The following RORB variants were observed in gnomAD, a reference collection of about 807,000 sequenced individuals.
RORB encodes RAR related orphan receptor B.
RORB carries 6 observed loss-of-function variants against 59.1 expected under a neutral mutation model. That is an observed-to-expected ratio of 0.10 (90% confidence interval 0.06 to 0.20). The LOEUF (loss-of-function observed/expected upper bound fraction) is 0.20, where lower values mean the gene tolerates loss of function less well. Ranked by LOEUF, RORB falls within the 10% of genes least tolerant of loss-of-function variation. The probability of loss-of-function intolerance (pLI) is 1.00; values close to 1 mark genes in which losing one functional copy is unlikely to be tolerated. For missense variants in RORB, 320 were observed against 560.5 expected (o/e 0.57, Z 4.33); for synonymous variants, 215 against 204.5 (o/e 1.05, Z -0.44).
At chr9:74,603,324 A>G (rs1433785925) in intron 1 of RORB, among the ~76,000 whole-genome samples, 1 of 152,176 alleles carries the variant, frequency 6.6e-6, no homozygotes. Flanking sequence ...CTCAGTAGCA[A>G]CCACCATCTT....
chr9:74,662,549 C>T lies in RORB; in HGVS notation c.835C>T (p.Arg279Trp), dbSNP rs1824205692. 6.2e-7 allele frequency: 1 copy of T among 1,614,030 alleles called. No homozygotes were observed. ...CCAATACGTGGTGGAGTTTGCAAAG[C>T]GGATAACAGGCTTCATGGAGCTCTG... is the stretch of plus-strand genomic sequence containing the variant. ...AIQYVVEFAKRITGFMELCQN... is the reference protein window; with the variant it reads ...AIQYVVEFAKWITGFMELCQN... Residue 279 changes from arginine to tryptophan, a missense_variant, in exon 6 of 10, where the codon CGG becomes TGG. Around this residue, in one of 4 missense-constraint regions of RORB, gnomAD observed 40 missense variants for 116.9 expected, o/e 0.34. Coordinates refer to ENST00000376896, the MANE Select transcript of RORB (RefSeq NM_006914.4).
chr9:74,555,488 ATT>A (rs1822273679), intron 1 of RORB, among the ~76,000 whole-genome samples: 1 of 152,220 alleles, frequency 6.6e-6, no homozygotes, highest in South Asian at 2.1e-4. Flanking sequence ...GTATGTTTCC[ATT>A]TTAAATTTAT....
At chr9:74,668,994 C>G (rs1175447555) in intron 8 of RORB, among the ~76,000 whole-genome samples, 1 of 152,174 alleles carries the variant, frequency 6.6e-6, no homozygotes, top group Non-Finnish European at 1.5e-5. Flanking sequence ...GACCAAGTAT[C>G]TGTGTGATAT....
intron 1 of RORB, among the ~76,000 whole-genome samples, chr9:74,518,768 A>G (rs1320208425): frequency 6.6e-6 from 1 of 151,954 alleles, no homozygotes; most frequent in Admixed American, 6.6e-5. Context: ...CCAAAATCAA[A>G]CAGATATAAG....
At chr9:74,655,880 G>A (rs946974413) in intron 4 of RORB, among the ~76,000 whole-genome samples, 5 of 152,172 alleles carry the variant, frequency 3.3e-5, no homozygotes, top group African/African-American at 1.2e-4. Flanking sequence ...TTTGCACATG[G>A]CTCACCTCTG....
chr9:74,621,774 T>C (rs1202778599), intron 1 of RORB, among the ~76,000 whole-genome samples: 1 of 152,238 alleles, frequency 6.6e-6, no homozygotes, highest in Non-Finnish European at 1.5e-5. Flanking sequence ...TTTAAGTAGG[T>C]TTATAGTGGC....
chr9:74,669,566 T>G (rs1211199186), intron 8 of RORB, among the ~76,000 whole-genome samples: 2 of 151,108 alleles, frequency 1.3e-5, no homozygotes, highest in African/African-American at 2.4e-5. Flanking sequence ...AATATAGTAA[T>G]AAATACATGA....
intron 1 of RORB, among the ~76,000 whole-genome samples, chr9:74,604,348 G>A (rs1823117000): frequency 1.3e-5 from 2 of 152,162 alleles, no homozygotes; most frequent in African/African-American, 2.4e-5. Context: ...CATACCTAAG[G>A]CAGCTGTGCA....
In RORB at chr9:74,531,679, A is replaced by G. The variant is rs540091897; in HGVS notation, c.7+33696A>G. Among the ~76,000 whole-genome samples the G allele has an allele frequency of 3.9e-5, 6 of 152,132 alleles. No homozygotes were observed. The South Asian group carries it at 1.2e-3, about 32-fold the overall frequency. On this transcript the variant is annotated intron_variant, in intron 1 of 9. Transcript: ENST00000376896. ...TGTTATTTGGCTCCTTTAATATACA[A>G]GAGAAAAAAATAAGCCCTACATTTT...
chr9:74,613,488 C>T (rs1217534740), intron 1 of RORB, among the ~76,000 whole-genome samples: 1 of 152,174 alleles, frequency 6.6e-6, no homozygotes, highest in Non-Finnish European at 1.5e-5. Context: ...ATTCTGAGGA[C>T]CATTCCAAGG....
At chr9:74,542,117 C>T (rs1025457557) in intron 1 of RORB, among the ~76,000 whole-genome samples, 1 of 152,026 alleles carries the variant, frequency 6.6e-6, no homozygotes, top group Non-Finnish European at 1.5e-5. Flanking sequence ...AAAGAATTCA[C>T]ACAAAGTTCT....
At chr9:74,620,452 G>C (rs1431060909) in intron 1 of RORB, among the ~76,000 whole-genome samples, 2 of 151,660 alleles carry the variant, frequency 1.3e-5, no homozygotes, top group Middle Eastern at 3.4e-3. Flanking sequence ...TATTAGTCTT[G>C]CTAGCAGTCT....
At chr9:74,642,118 A>T (rs1823817568) in intron 3 of RORB, among the ~76,000 whole-genome samples, 1 of 152,194 alleles carries the variant, frequency 6.6e-6, no homozygotes. Context: ...CAGGTAAGAA[A>T]AAAAGAGGAA....
chr9:74,684,009 A>T (rs1824592923), intron 9 of RORB, among the ~76,000 whole-genome samples: 1 of 152,220 alleles, frequency 6.6e-6, no homozygotes, highest in African/African-American at 2.4e-5. Flanking sequence ...CATTCTATCG[A>T]CAAAGATTCC....
rs1173350608 is a variant in RORB, at chr9:74,497,994, C to T, written c.7+11C>T. 6.2e-7 allele frequency: 1 copy of T among 1,609,946 alleles called. No individual in the cohort carries two copies. The highest frequency in any genetic ancestry group is 8.5e-7 in the Non-Finnish European group (1 of 1,179,442). The stretch of plus-strand genomic sequence containing the variant: ...GCCACACCATGCGAGGTAAGCGAGT[C>T]TGCGGGCACCGAGGCTCCCCGAGTC... On this transcript the variant is annotated intron_variant, in intron 1 of 9. Transcript: ENST00000376896.
chr9:74,674,081 C>T (rs772023374), intron 9 of RORB, among the ~76,000 whole-genome samples: 1 of 152,168 alleles, frequency 6.6e-6, no homozygotes, highest in Non-Finnish European at 1.5e-5. Context: ...CCGTTAGCTC[C>T]TGACTGCTTT....
intron 1 of RORB, among the ~76,000 whole-genome samples, chr9:74,549,441 C>A (rs371343641): frequency 1.8e-4 from 17 of 92,402 alleles, no homozygotes; most frequent in East Asian, 7.1e-4. Flanking sequence ...AAAATTCCGT[C>A]AAAAAAAAAA....
intron 3 of RORB, among the ~76,000 whole-genome samples, chr9:74,641,912 G>A (rs1288960644): frequency 6.6e-6 from 1 of 151,710 alleles, no homozygotes; most frequent in Non-Finnish European, 1.5e-5. Flanking sequence ...GTCTCTTAAA[G>A]AAAATTATTA....
chr9:74,556,077 C>T (rs1449359265), intron 1 of RORB, among the ~76,000 whole-genome samples: 1 of 152,122 alleles, frequency 6.6e-6, no homozygotes, highest in African/African-American at 2.4e-5. Flanking sequence ...TTGTTGACGT[C>T]GTTACTTTCT....
Sources: allele counts gnomAD v4.1 joint callset (sites outside exome capture counted in the v4.1 genomes callset), GRCh38; gene constraint gnomAD v4.1.1; regional missense constraint gnomAD v4.1.1; transcripts MANE v1.5; gene names NCBI Gene and HGNC (gene_info 2026-07-23, HGNC 2026-07-21).